Variants in CHRM3 observed in about 807,000 individuals in gnomAD.
CHRM3 encodes muscarinic acetylcholine receptor M3.
Under a neutral mutation model 41.8 loss-of-function variants are expected in CHRM3, and 11 were observed. The observed-to-expected ratio is 0.26, with a 90% CI of 0.17 to 0.44. The LOEUF (loss-of-function observed/expected upper bound fraction) is 0.44. Among genes scored for constraint, CHRM3 ranks in the 20% least tolerant of loss-of-function variants. The pLI is 1.00. For missense variants in CHRM3, 571 were observed against 745.4 expected (o/e 0.77, Z 2.72); for synonymous variants, 297 against 301.4 (o/e 0.99, Z 0.15).
At chr1:239,702,137 A>G (rs1288078087) in intron 5 of CHRM3, among the ~76,000 whole-genome samples, 1 of 152,158 alleles carries the variant, frequency 6.6e-6, no homozygotes, top group Admixed American at 6.6e-5. Context: ...CAGATGGTTG[A>G]TGCTTGGTGA....
At chr1:239,488,437 A>G (rs924163504) in intron 1 of CHRM3, among the ~76,000 whole-genome samples, 1 of 152,036 alleles carries the variant, frequency 6.6e-6, no homozygotes, top group African/African-American at 2.4e-5. Context: ...TAGATGGGCC[A>G]GGCGCGGGTG....
chr1:239,856,859 G>A (rs1324082997), intron 6 of CHRM3, among the ~76,000 whole-genome samples: 3 of 152,172 alleles, frequency 2.0e-5, no homozygotes, highest in African/African-American at 7.2e-5. Context: ...AGGCTTCTTA[G>A]AAGAGCTAAC....
intron 1 of CHRM3, among the ~76,000 whole-genome samples, chr1:239,439,435 T>C (rs778195443): frequency 7.9e-5 from 12 of 152,038 alleles, no homozygotes; most frequent in Non-Finnish European, 1.5e-4. Context: ...ACAGTAACAA[T>C]GAGGGGCTGG....
intron 5 of CHRM3, among the ~76,000 whole-genome samples, chr1:239,754,944 T>G: frequency 6.6e-6 from 1 of 152,298 alleles, no homozygotes; most frequent in East Asian, 1.9e-4. Context: ...GATCATTAAT[T>G]AATTTAAAAA....
intron 5 of CHRM3, among the ~76,000 whole-genome samples, chr1:239,696,358 T>A (rs553055026): frequency 6.6e-6 from 1 of 152,330 alleles, no homozygotes; most frequent in Admixed American, 6.5e-5. Context: ...TATAAAAATT[T>A]GCGCTGTCAT....
intron 5 of CHRM3, among the ~76,000 whole-genome samples, chr1:239,687,352 A>G (rs1659246257): frequency 6.6e-6 from 1 of 152,142 alleles, no homozygotes; most frequent in Non-Finnish European, 1.5e-5. Context: ...ATAAGTGATA[A>G]TATTCCAGGG....
At chr1:239,839,815 GA>G (rs200022505) in intron 6 of CHRM3, among the ~76,000 whole-genome samples, 3,748 of 151,522 alleles carry the variant, frequency 0.025, 63 homozygotes, top group Non-Finnish European at 0.031. Flanking sequence ...GGGGAGCGGG[GA>G]AGGGAGAAGT....
At chr1:239,877,528 T>C (rs536316192) in intron 6 of CHRM3, among the ~76,000 whole-genome samples, 1 of 152,234 alleles carries the variant, frequency 6.6e-6, no homozygotes, top group Non-Finnish European at 1.5e-5. Context: ...AGTTAACACC[T>C]GTTACATGCC....
intron 5 of CHRM3, among the ~76,000 whole-genome samples, chr1:239,749,145 G>A (rs907844978): frequency 3.9e-5 from 6 of 152,128 alleles, no homozygotes; most frequent in African/African-American, 7.2e-5. Context: ...GGCACTATTC[G>A]TCAAAGAAAG....
chr1:239,908,894 G>A lies in CHRM3; in HGVS notation c.1443G>A (p.Met481Ile). ...GTCAGATCACTAAGCGGAAAAGGATGTCCCTGGTCAAGGAGAAGAAAGCGG... is the reference window on the plus strand; with the variant it reads ...GTCAGATCACTAAGCGGAAAAGGATATCCCTGGTCAAGGAGAAGAAAGCGG... ...TRSQITKRKR[M>I]SLVKEKKAAQ... The change falls in exon 7 of 7, where the codon ATG becomes ATA. Residue 481 changes from methionine (M) to isoleucine (I), a missense_variant. Physicochemically the swap from Met to Ile is conservative, Grantham distance 10. Around this residue, in one of 5 missense-constraint regions of CHRM3, gnomAD observed 239 missense variants for 239.6 expected, o/e 1.00. Coordinates refer to ENST00000676153, the MANE Select transcript of CHRM3 (RefSeq NM_001375978.1). The surrounding 1 kb of genome is among the most constrained non-coding windows in gnomAD (Gnocchi z 7.2). The A allele has an allele frequency of 6.2e-7, 1 of 1,614,118 alleles. No individual in the cohort carries two copies. Among genetic ancestry groups the A allele is most frequent in the Non-Finnish European group, 8.5e-7 (1 of 1,180,024 alleles).
At chr1:239,468,515 T>G (rs1033621337) in intron 1 of CHRM3, among the ~76,000 whole-genome samples, 6 of 152,208 alleles carry the variant, frequency 3.9e-5, no homozygotes, top group African/African-American at 1.2e-4. Flanking sequence ...CAATCCTATA[T>G]GAATGAAATT....
At chr1:239,402,476 C>G (rs901441078) in intron 1 of CHRM3, among the ~76,000 whole-genome samples, 1 of 152,190 alleles carries the variant, frequency 6.6e-6, no homozygotes, top group African/African-American at 2.4e-5. Context: ...GGTTCTGTAA[C>G]AAGACCTACA....
intron 5 of CHRM3, among the ~76,000 whole-genome samples, chr1:239,805,151 T>C (rs1025828682): frequency 1.4e-4 from 22 of 152,228 alleles, no homozygotes; most frequent in African/African-American, 5.3e-4. Context: ...TGGCATCTCA[T>C]TTAATCCCTG....
intron 5 of CHRM3, among the ~76,000 whole-genome samples, chr1:239,749,590 C>T (rs774329082): frequency 7.0e-4 from 106 of 152,222 alleles, no homozygotes; most frequent in African/African-American, 2.5e-3. Flanking sequence ...ATCACTTGAA[C>T]CCCAGAGATG....
At chr1:239,410,594 G>A (rs921194405) in intron 1 of CHRM3, among the ~76,000 whole-genome samples, 10 of 152,060 alleles carry the variant, frequency 6.6e-5, no homozygotes, top group South Asian at 4.1e-4. Context: ...GTGATCTCAC[G>A]GTCTGTCACA....
chr1:239,837,969 T>A (rs1345053996), intron 6 of CHRM3, among the ~76,000 whole-genome samples: 2 of 152,142 alleles, frequency 1.3e-5, no homozygotes, highest in East Asian at 3.9e-4. Flanking sequence ...ATAACAATAC[T>A]AAAAGGCAAA....
chr1:239,574,571 G>T (rs538128868), intron 3 of CHRM3, among the ~76,000 whole-genome samples: 1 of 151,948 alleles, frequency 6.6e-6, no homozygotes, highest in East Asian at 1.9e-4. Context: ...CCTTCCTCCT[G>T]CATCCAGGCA....
intron 6 of CHRM3, among the ~76,000 whole-genome samples, chr1:239,838,515 A>G (rs986919547): frequency 1.3e-5 from 2 of 152,222 alleles, no homozygotes; most frequent in Non-Finnish European, 2.9e-5. Flanking sequence ...TGTAAAATGC[A>G]TTAAAATTGC....
intron 5 of CHRM3, among the ~76,000 whole-genome samples, chr1:239,680,060 CCTTCT>C (rs1467285365): frequency 6.6e-6 from 1 of 152,030 alleles, no homozygotes; most frequent in Non-Finnish European, 1.5e-5. Context: ...TAATACCTTC[CCTTCT>C]CTTTGTGTAA....
Sources: gnomAD v4.1 joint callset for allele counts (sites outside exome capture counted in the v4.1 genomes callset) on GRCh38, gnomAD v4.1.1 for gene constraint, gnomAD v4.1.1 regional missense constraint, Gnocchi (gnomAD v3.1) non-coding constraint, MANE v1.5 for transcripts, NCBI Gene and HGNC (gene_info 2026-07-23, HGNC 2026-07-21) for gene names.